CTNNBIP1: variants seen among roughly 807,000 people sequenced by gnomAD.
CTNNBIP1 encodes catenin beta interacting protein 1.
In CTNNBIP1, 7 loss-of-function variants were observed where a neutral mutation model predicts 11.8. The ratio of observed to expected loss-of-function variants is 0.60; its 90% confidence interval spans 0.34 to 1.12. The LOEUF is 1.12. Ranked by LOEUF, CTNNBIP1 falls within the 50% of genes most tolerant of loss-of-function variation. CTNNBIP1 has a pLI of 0.03. For synonymous variants in CTNNBIP1, 58 were observed against 43.9 expected, an observed-to-expected ratio of 1.32 and a Z score of -1.26; for missense variants, 101 against 113.4, an observed-to-expected ratio of 0.89 and a Z score of 0.50.
chr1:9,856,204 T>C (rs1638499391), intron 5 of CTNNBIP1, among the ~76,000 whole-genome samples: 1 of 152,040 alleles, frequency 6.6e-6, no homozygotes, highest in South Asian at 2.1e-4. Context: ...AGATGGGGTA[T>C]CTTCCTATGT....
chr1:9,905,676 C>A (rs936188032), intron 1 of CTNNBIP1, among the ~76,000 whole-genome samples: 1 of 151,798 alleles, frequency 6.6e-6, no homozygotes, highest in African/African-American at 2.4e-5. Flanking sequence ...GTGATCCACC[C>A]GCCTCGGCCT....
intron 5 of CTNNBIP1, among the ~76,000 whole-genome samples, chr1:9,864,628 G>A (rs1456688942): frequency 1.3e-5 from 2 of 152,018 alleles, no homozygotes; most frequent in African/African-American, 4.8e-5. Context: ...GTGCCTGGCC[G>A]GACAAGGGCC....
At chr1:9,866,611 TG>T (rs1638752069) in intron 5 of CTNNBIP1, among the ~76,000 whole-genome samples, 1 of 141,890 alleles carries the variant, frequency 7.0e-6, no homozygotes, top group Admixed American at 7.3e-5. Flanking sequence ...ACTGGGAAGG[TG>T]GGGGCTGCAG....
intron 5 of CTNNBIP1, among the ~76,000 whole-genome samples, chr1:9,853,759 G>T (rs955342725): frequency 3.0e-4 from 46 of 152,200 alleles, no homozygotes; most frequent in African/African-American, 1.0e-3. Context: ...TAGGAGGGGA[G>T]AGGTTGATCT....
intron 1 of CTNNBIP1, among the ~76,000 whole-genome samples, chr1:9,894,443 C>G (rs1446905252): frequency 6.6e-6 from 1 of 152,158 alleles, no homozygotes; most frequent in East Asian, 1.9e-4. Flanking sequence ...GCAGCCTCAA[C>G]ATCCAGGGCT....
chr1:9,875,134 C>G (rs1453833741), intron 3 of CTNNBIP1, among the ~76,000 whole-genome samples: 1 of 152,170 alleles, frequency 6.6e-6, no homozygotes, highest in Non-Finnish European at 1.5e-5. Flanking sequence ...CGGTTCGAGC[C>G]GACCAGTCCT....
intron 5 of CTNNBIP1, among the ~76,000 whole-genome samples, chr1:9,854,368 CAAA>C (rs373565421): frequency 8.4e-5 from 7 of 83,808 alleles, no homozygotes; most frequent in East Asian, 3.1e-4. Context: ...AACTCCATCT[CAAA>C]AAAAAAAAAA....
Position 9,883,203 on chromosome 1 carries a change from C to T in CTNNBIP1, c.-110+502G>A, listed in dbSNP as rs1363827555. 6.6e-6 allele frequency among the ~76,000 whole-genome samples: 1 copy of T among 152,128 alleles called. No individual in the cohort carries two copies. The highest frequency in any genetic ancestry group is 1.5e-5 in the Non-Finnish European group (1 of 68,014). On this transcript the variant is annotated intron_variant, in intron 2 of 5. Coordinates refer to ENST00000377263, the MANE Select transcript of CTNNBIP1 (RefSeq NM_020248.3). The surrounding 1 kb of genome is among the most constrained non-coding windows in gnomAD (Gnocchi z 5.6). Reference sequence around the variant, plus strand: ...CAAGCGGAGGGCATTGGGCCCTGGTCAGGAGATGACTCGGGCAGAGTGGTC... The same window carrying T: ...CAAGCGGAGGGCATTGGGCCCTGGTTAGGAGATGACTCGGGCAGAGTGGTC...
At chr1:9,881,337 T>G in intron 2 of CTNNBIP1, among the ~76,000 whole-genome samples, 1 of 139,062 alleles carries the variant, frequency 7.2e-6, no homozygotes, top group Non-Finnish European at 1.5e-5. Flanking sequence ...AAATTTTTTT[T>G]TTTTTTTTTT....
At chr1:9,904,320 C>T (rs1355552634) in intron 1 of CTNNBIP1, among the ~76,000 whole-genome samples, 1 of 139,076 alleles carries the variant, frequency 7.2e-6, no homozygotes, top group Non-Finnish European at 1.5e-5. Context: ...CAAGTGGCAT[C>T]GTGGACAACT....
At chr1:9,862,925 C>T (rs1489781929) in intron 5 of CTNNBIP1, among the ~76,000 whole-genome samples, 1 of 152,242 alleles carries the variant, frequency 6.6e-6, no homozygotes, top group Non-Finnish European at 1.5e-5. Context: ...CAATGCCCCT[C>T]TCTGACAGGG....
intron 1 of CTNNBIP1, among the ~76,000 whole-genome samples, chr1:9,904,835 C>T (rs1639587370): frequency 6.6e-6 from 1 of 152,132 alleles, no homozygotes; most frequent in South Asian, 2.1e-4. Context: ...CTGCTAAGCA[C>T]TGGCAACATT....
intron 5 of CTNNBIP1, among the ~76,000 whole-genome samples, chr1:9,855,489 T>C (rs541495469): frequency 6.6e-6 from 1 of 152,208 alleles, no homozygotes; most frequent in South Asian, 2.1e-4. Flanking sequence ...CCCTCCAACT[T>C]ATGGCCAGTT....
intron 5 of CTNNBIP1, among the ~76,000 whole-genome samples, chr1:9,856,439 C>T (rs1638503764): frequency 6.6e-6 from 1 of 151,462 alleles, no homozygotes; most frequent in South Asian, 2.1e-4. Context: ...GAAAAGACAA[C>T]ACACAGAATG....
rs1433562133 is a variant in CTNNBIP1, at chr1:9,849,623, G to A, written c.*1095C>T. 1 of 152,244 alleles carries A rather than the reference G, an allele frequency of 6.6e-6. No individual in the cohort carries two copies. Among genetic ancestry groups the A allele is most frequent in the Non-Finnish European group, 1.5e-5 (1 of 68,072 alleles). 9.4% of individuals were successfully genotyped at this position (152,244 alleles called of 1,614,324 possible). A position where few individuals can be genotyped will look rare whatever the true frequency, so the allele number is the denominator to read the frequency against. ...CAGAGTCTTTGGGGTCTCACACTGGGAGAAGCTCCTCCCCTTTCCAAGATG... is the reference window on the plus strand; with the variant it reads ...CAGAGTCTTTGGGGTCTCACACTGGAAGAAGCTCCTCCCCTTTCCAAGATG... On this transcript the variant is annotated 3_prime_UTR_variant, in exon 6 of 6. Coordinates refer to ENST00000377263, the MANE Select transcript of CTNNBIP1 (RefSeq NM_020248.3).
Position 9,855,167 on chromosome 1 carries a change from T to C in CTNNBIP1, c.188-4391A>G, listed in dbSNP as rs1638474715. ...AAATTTAACAAAGTGCAAATTTTTA[T>C]GCTTTGAATAGTACACAACATTACT... On this transcript the variant is annotated intron_variant, in intron 5 of 5. Coordinates refer to ENST00000377263, the MANE Select transcript of CTNNBIP1 (RefSeq NM_020248.3). 2.0e-5 allele frequency among the ~76,000 whole-genome samples: 3 copies of C among 152,148 alleles called. No homozygotes were observed. The South Asian group carries it at 6.2e-4, about 32-fold the overall frequency.
chr1:9,893,019 G>A (rs536597226), intron 1 of CTNNBIP1: 3 of 152,286 alleles, frequency 2.0e-5, no homozygotes, highest in South Asian at 2.1e-4. Context: ...TGTGGGAAAC[G>A]GTATCGGGAC....
At chr1:9,880,159 T>C (rs1340124991) in intron 2 of CTNNBIP1, among the ~76,000 whole-genome samples, 2 of 150,622 alleles carry the variant, frequency 1.3e-5, no homozygotes, top group African/African-American at 2.4e-5. Context: ...CCCCGGTGTG[T>C]GTTGTTCCCC....
intron 5 of CTNNBIP1, among the ~76,000 whole-genome samples, chr1:9,855,107 A>G (rs930012397): frequency 2.2e-4 from 34 of 152,264 alleles, no homozygotes; most frequent in African/African-American, 8.0e-4. Flanking sequence ...GATTCCACTT[A>G]TAATTGCATT....
Sources: allele counts gnomAD v4.1 joint callset (sites outside exome capture counted in the v4.1 genomes callset), GRCh38; gene constraint gnomAD v4.1.1; non-coding constraint Gnocchi (gnomAD v3.1); transcripts MANE v1.5; gene names NCBI Gene and HGNC (gene_info 2026-07-23, HGNC 2026-07-21).